Variants in NOL11 observed in about 807,000 individuals in gnomAD.
NOL11 encodes the protein nucleolar protein 11.
Under a neutral mutation model 93.0 loss-of-function variants are expected in NOL11, and 42 were observed. The ratio of observed to expected loss-of-function variants is 0.45; its 90% CI spans 0.35 to 0.58. The LOEUF is 0.58. Among genes scored for constraint, NOL11 ranks in the 20% least tolerant of loss-of-function variants. NOL11 has a pLI of 0.00. For synonymous variants in NOL11, 296 were observed against 293.7 expected (o/e 1.01, Z -0.08); for missense variants, 775 against 841.8 (o/e 0.92, Z 0.98).
chr17:67,723,304 G>A (rs773175707), intron 5 of NOL11, among the ~76,000 whole-genome samples: 3 of 149,602 alleles, frequency 2.0e-5, no homozygotes, highest in African/African-American at 7.4e-5. Flanking sequence ...GAGCCACTGC[G>A]CCTGGCGCAA....
chr17:67,739,730 C>G, intron 16 of NOL11, 122 bp downstream of exon 16: 1 of 629,048 alleles, frequency 1.6e-6, no homozygotes, highest in Non-Finnish European at 2.8e-6. Flanking sequence ...GGAATCCCTT[C>G]CTCATAAAAC....
At chr17:67,719,165 C>G (rs113708360) in intron 1 of NOL11, 1 of 152,002 alleles carries the variant, frequency 6.6e-6, no homozygotes, top group African/African-American at 2.4e-5. Context: ...TCGGGAGGCC[C>G]AGGTGGGTGG....
intron 16 of NOL11, among the ~76,000 whole-genome samples, chr17:67,740,095 C>T (rs181905476): frequency 7.9e-5 from 12 of 151,950 alleles, no homozygotes; most frequent in Admixed American, 2.0e-4. Flanking sequence ...ATCATCCAGG[C>T]ATAGTGGTGC....
At chr17:67,724,926 C>G (rs995899646) in intron 6 of NOL11, among the ~76,000 whole-genome samples, 5 of 151,902 alleles carry the variant, frequency 3.3e-5, no homozygotes, top group African/African-American at 1.2e-4. Context: ...GGCATGGTGG[C>G]GGGTGCCTGT....
At position 67,738,985 on chromosome 17, in the gene NOL11, A is replaced by G. The variant is rs1197884659; in HGVS notation, c.1817A>G (p.Lys606Arg). 7.4e-6 allele frequency: 12 copies of G among 1,612,462 alleles called. No individual in the cohort carries two copies. The South Asian group carries it at 1.3e-4, about 18-fold the overall frequency. The part of the protein sequence containing the change: ...YSETFLLPHL[K>R]DIPAQHITLF... ...GAGACATTTCTTCTGCCTCATTTGA[A>G]AGACATCCCAGCACAGCATATCACG... Residue 606 changes from lysine (K) to arginine (R), a missense_variant, in exon 15 of 18, where the codon AAA becomes AGA. Physicochemically the swap from Lys to Arg is conservative, Grantham distance 26. Coordinates refer to ENST00000253247, the MANE Select transcript of NOL11 (RefSeq NM_015462.5).
chr17:67,739,506 T>TC lies in NOL11; in HGVS notation c.1843-7dup. On this transcript the variant is annotated splice_polypyrimidine_tract_variant and intron_variant, in intron 15 of 17. Transcript: ENST00000253247. ...AAAATGATAAACTATCCATTTTTTT[T>TC]CCCACCCAGCTGTTTCTTAAGTATT... is the stretch of plus-strand genomic sequence containing the variant. 1 of 1,531,908 alleles carries TC rather than the reference T, an allele frequency of 6.5e-7. No homozygotes were observed. The highest frequency in any genetic ancestry group is 8.8e-7 in the Non-Finnish European group (1 of 1,132,338). The allele number at this position is 1,531,908 out of a possible 1,614,324, so 94.9% of individuals were successfully genotyped here. A position where few individuals can be genotyped will look rare whatever the true frequency, so the allele number is the denominator to read the frequency against.
chr17:67,729,245 C>T (rs11654341), intron 7 of NOL11, among the ~76,000 whole-genome samples: 17,335 of 152,070 alleles, frequency 0.11, 1,321 homozygotes, highest in Non-Finnish European at 0.16. Flanking sequence ...CAGGCATGTG[C>T]CACCACACTT....
intron 16 of NOL11, among the ~76,000 whole-genome samples, chr17:67,740,187 A>G (rs1308309484): frequency 1.3e-5 from 2 of 151,748 alleles, no homozygotes; most frequent in Non-Finnish European, 2.9e-5. Flanking sequence ...GTGAGCTGAG[A>G]TCGCGCCACT....
Position 67,739,447 on chromosome 17 carries a change from G to A in NOL11, c.1843-69G>A, listed in dbSNP as rs2286916. The stretch of plus-strand genomic sequence containing the variant: ...AAATTGAACATTTTTTTCAATCTTC[G>A]TGATGGGTTTATATAATAGAAATTT... On this transcript the variant is annotated intron_variant, in intron 15 of 17. Coordinates refer to ENST00000253247, the MANE Select transcript of NOL11 (RefSeq NM_015462.5). 463,388 of 872,442 alleles carry A rather than the reference G, an allele frequency of 0.53. 124,235 individuals are homozygous for A. Among genetic ancestry groups the A allele is most frequent in the Admixed American group, 0.65 (24,131 of 37,230 alleles). The allele number at this position is 872,442 out of a possible 1,614,324, so 54.0% of individuals were successfully genotyped here.
intron 7 of NOL11, chr17:67,726,881 C>T (rs1289811494): frequency 2.8e-6 from 1 of 357,258 alleles, no homozygotes; most frequent in African/African-American, 2.1e-5. Context: ...ATAACTATGT[C>T]ATAAAGAAAT....
chr17:67,738,040 A>G (rs2055219242), intron 13 of NOL11, 68 bp downstream of exon 13: 5 of 1,556,872 alleles, frequency 3.2e-6, no homozygotes, highest in Non-Finnish European at 4.3e-6. Flanking sequence ...TTGATTTCCA[A>G]AATTTTGATG....
chr17:67,736,654 G>C lies in NOL11; in HGVS notation c.1055-12G>C. ...AAACATTCCAGAAATTGTGCATTTT[G>C]CATTTTCTTAGGAACTCATGTCGTG... is the stretch of plus-strand genomic sequence containing the variant. On this transcript the variant is annotated splice_polypyrimidine_tract_variant and intron_variant, in intron 9 of 17. Coordinates refer to ENST00000253247, the MANE Select transcript of NOL11 (RefSeq NM_015462.5). 2.6e-6 allele frequency: 4 copies of C among 1,561,272 alleles called. No homozygotes were observed. Among genetic ancestry groups the C allele is most frequent in the Non-Finnish European group, 3.5e-6 (4 of 1,141,830 alleles).
At chr17:67,735,829 A>ACACAG in intron 8 of NOL11, 71 bp from the exon 9 acceptor site, 1 of 1,273,766 alleles carries the variant, frequency 7.9e-7, no homozygotes, top group African/African-American at 1.5e-5. Context: ...ACAGTGAGTG[A>ACACAG]TAAGGCTTTA....
At position 67,737,970 on chromosome 17, in the gene NOL11, G is replaced by C. The variant is rs766235239; in HGVS notation, c.1527G>C (p.Leu509Phe). ...CCTGTGCTTGCTTAAAAATTTTCTT[G>C]AGGTAAGTTAGACTCCAATGGTCCT... ...SVTCACLKIF[L>F]SIGDDSLQET... is the part of the protein sequence containing the mutation. Residue 509 changes from leucine to phenylalanine, a missense_variant and splice_region_variant, in exon 13 of 18, where the codon TTG becomes TTC. Physicochemically the swap from Leu to Phe is conservative, Grantham distance 22. Transcript: ENST00000253247. The C allele has an allele frequency of 6.2e-7, 1 of 1,605,264 alleles. No homozygotes were observed. The highest frequency in any genetic ancestry group is 1.3e-5 in the African/African-American group (1 of 74,196).
intron 6 of NOL11, 135 bp downstream of exon 6, chr17:67,724,328 T>A: frequency 2.2e-6 from 1 of 454,184 alleles, no homozygotes; most frequent in Non-Finnish European, 3.7e-6. Flanking sequence ...CGTTCATGCC[T>A]TCACTTTTTT....
intron 7 of NOL11, among the ~76,000 whole-genome samples, chr17:67,729,536 A>G (rs925853768): frequency 2.6e-5 from 4 of 152,150 alleles, no homozygotes; most frequent in Admixed American, 1.3e-4. Context: ...GCATTCTTCT[A>G]TGGATTTACC....
intron 7 of NOL11, among the ~76,000 whole-genome samples, chr17:67,729,088 T>G (rs1047865040): frequency 1.1e-4 from 10 of 88,894 alleles, no homozygotes; most frequent in South Asian, 4.5e-4. Flanking sequence ...TCTAGTTTTT[T>G]TTGTTGTTGT....
At chr17:67,722,419 T>C (rs572749337) in intron 4 of NOL11, among the ~76,000 whole-genome samples, 161 bp from the exon 5 acceptor site, 5 of 152,344 alleles carry the variant, frequency 3.3e-5, no homozygotes, top group Admixed American at 3.3e-4. Flanking sequence ...AAATGCGTAT[T>C]GCTTGTGGTA....
chr17:67,719,435 GT>G (rs1321875178), intron 1 of NOL11: 1 of 270,446 alleles, frequency 3.7e-6, no homozygotes, highest in Non-Finnish European at 7.1e-6. Flanking sequence ...TAATTTTTGT[GT>G]TTTTAGTAGA....
Sources: allele counts gnomAD v4.1 joint callset (sites outside exome capture counted in the v4.1 genomes callset), GRCh38; gene constraint gnomAD v4.1.1; transcripts MANE v1.5; gene names NCBI Gene and HGNC (gene_info 2026-07-23, HGNC 2026-07-21).